The following NDUFAF7 variants were observed in gnomAD, a reference collection of about 807,000 sequenced individuals.
NDUFAF7 encodes protein arginine methyltransferase NDUFAF7, mitochondrial.
A neutral mutation model predicts 47.2 loss-of-function variants in NDUFAF7; 48 were observed. The observed-to-expected ratio is 1.02, with a 90% CI of 0.81 to 1.29. The LOEUF (loss-of-function observed/expected upper bound fraction) is 1.29, where lower values mean the gene tolerates loss of function less well. Among genes scored for constraint, NDUFAF7 ranks in the 50% most tolerant of loss-of-function variants. The pLI is 0.00. For missense variants in NDUFAF7, 635 were observed against 537.6 expected (o/e 1.18, Z -1.79); for synonymous variants, 217 against 190.0 (o/e 1.14, Z -1.17).
the NDUFAF7 span, among the ~76,000 whole-genome samples, chr2:37,262,016 C>T: frequency 2.0e-5 from 3 of 152,160 alleles, no homozygotes; most frequent in East Asian, 5.8e-4. Flanking sequence ...ATGTAAGCGA[C>T]TGTGCTTAAG....
the NDUFAF7 span, among the ~76,000 whole-genome samples, chr2:37,266,340 G>A: frequency 6.6e-6 from 1 of 152,152 alleles, no homozygotes; most frequent in Non-Finnish European, 1.5e-5. Context: ...TTTTGTTGTT[G>A]TTGAGACGGA....
Position 37,237,842 on chromosome 2 carries a change from G to A in NDUFAF7, c.383G>A (p.Gly128Glu). The A allele has an allele frequency of 6.2e-7, 1 of 1,611,870 alleles. No homozygotes were observed. Among genetic ancestry groups the A allele is most frequent in the African/African-American group, 1.3e-5 (1 of 74,988 alleles). The stretch of plus-strand genomic sequence containing the variant: ...CTGGTGGAACTGGGCCCAGGTAGGG[G>A]AACCCTCGTGGGAGATATTTTGAGG... Reference protein sequence around the residue: ...FQLVELGPGRGTLVGDILRVF... With the variant: ...FQLVELGPGRETLVGDILRVF... The change falls in exon 4 of 10, where the codon GGA becomes GAA. Residue 128 changes from glycine to glutamate, a missense_variant. Physicochemically the swap from Gly to Glu is moderately conservative, Grantham distance 98. Transcript: ENST00000002125.
the NDUFAF7 span, chr2:37,269,266 T>C: frequency 8.9e-6 from 2 of 224,234 alleles, no homozygotes; most frequent in Non-Finnish European, 1.8e-5. Flanking sequence ...CCATTTGTGT[T>C]GGAAAACTAG....
At position 37,246,197 on chromosome 2, in the gene NDUFAF7, T is replaced by A; in HGVS notation, c.936+2T>A. 8 of 1,613,652 alleles carry A rather than the reference T, an allele frequency of 5.0e-6. No individual in the cohort carries two copies. Among genetic ancestry groups the A allele is most frequent in the Non-Finnish European group, 6.8e-6 (8 of 1,179,690 alleles). On this transcript the variant is annotated splice_donor_variant, in intron 8 of 9. Transcript: ENST00000002125. LOFTEE classifies it high-confidence loss of function. ...GGAACAAAGACAGATACCTTCAGAG[T>A]ATGTATAATTCAGTAACATGATTTA...
chr2:37,234,740 A>G (rs1370852373), intron 2 of NDUFAF7, among the ~76,000 whole-genome samples: 1 of 152,168 alleles, frequency 6.6e-6, no homozygotes, highest in Non-Finnish European at 1.5e-5. Flanking sequence ...GGGGAGTTGT[A>G]TGAGGAATGG....
At chr2:37,247,975 T>G (rs536504296) in intron 9 of NDUFAF7, among the ~76,000 whole-genome samples, 160 bp from the exon 10 acceptor site, 95 of 152,338 alleles carry the variant, frequency 6.2e-4, no homozygotes, top group Non-Finnish European at 5.9e-5. Flanking sequence ...TTCACACCAA[T>G]CTACATTTTT....
At chr2:37,267,688 T>A in the NDUFAF7 span, 1 of 607,320 alleles carries the variant, frequency 1.6e-6, no homozygotes, top group Non-Finnish European at 2.8e-6. Context: ...CACCTTTAAT[T>A]TAGGAAAAAA....
At chr2:37,246,339 C>G in intron 8 of NDUFAF7, 144 bp downstream of exon 8, 1 of 1,006,618 alleles carries the variant, frequency 9.9e-7, no homozygotes, top group Non-Finnish European at 1.5e-6. Context: ...TGTAATTCCC[C>G]TTAACCCTAG....
chr2:37,240,745 C>T (rs1230412946), intron 4 of NDUFAF7, among the ~76,000 whole-genome samples: 1 of 152,068 alleles, frequency 6.6e-6, no homozygotes. Context: ...CATAAGAAGT[C>T]CTAAAAGCCA....
In NDUFAF7 at chr2:37,248,767, A is replaced by G; in HGVS notation, c.*417A>G. The G allele has an allele frequency of 4.0e-6, 1 of 252,212 alleles. No individual in the cohort carries two copies. Among genetic ancestry groups the G allele is most frequent in the East Asian group, 9.8e-5 (1 of 10,154 alleles). 15.6% of individuals were successfully genotyped at this position (252,212 alleles called of 1,614,324 possible). The stretch of plus-strand genomic sequence containing the variant: ...CCATCTCTACTAAAAATACAAAACT[A>G]GCCGGGTATGGTGGTACATGCCTGT... On this transcript the variant is annotated 3_prime_UTR_variant, in exon 10 of 10. Transcript: ENST00000002125.
rs372839137 is a variant in NDUFAF7 at position 37,232,193 on chromosome 2, T to C, written c.143T>C (p.Met48Thr). Residue 48 changes from methionine (M) to threonine (T), a missense_variant, in exon 2 of 10, where the codon ATG becomes ACG. Coordinates refer to ENST00000002125, the MANE Select transcript of NDUFAF7 (RefSeq NM_144736.5). ...NPVTPMLRHL[M>T]YKIKSTGPIT... ...GTGACGCCGATGCTGCGGCATCTTA[T>C]GTACAAAATAAAGTCTACTGGTCCC... is the stretch of plus-strand genomic sequence containing the variant. 1.5e-5 allele frequency: 24 copies of C among 1,614,044 alleles called. No homozygotes were observed. The highest frequency in any genetic ancestry group is 4.0e-5 in the African/African-American group (3 of 74,946).
downstream of NDUFAF7, among the ~76,000 whole-genome samples, chr2:37,257,630 C>T (rs1176807042): frequency 7.8e-6 from 1 of 128,148 alleles, no homozygotes; most frequent in Non-Finnish European, 1.6e-5. Flanking sequence ...TACGCCGCTG[C>T]AATCCAGCCT....
At position 37,242,376 on chromosome 2, in the gene NDUFAF7, A is replaced by C. The variant is rs1333751483; in HGVS notation, c.623-259A>C. On this transcript the variant is annotated intron_variant, in intron 5 of 9. Coordinates refer to ENST00000002125, the MANE Select transcript of NDUFAF7 (RefSeq NM_144736.5). ...CTTCCAGCTAACAACTCTGACTTCT[A>C]ATTTCTTTCAAGCCTTGTGATGAAT... 5 of 310,308 alleles carry C rather than the reference A, an allele frequency of 1.6e-5. No homozygotes were observed. The Admixed American group carries it at 2.4e-4, about 15-fold the overall frequency. 19.2% of individuals were successfully genotyped at this position (310,308 alleles called of 1,614,324 possible).
downstream of NDUFAF7, among the ~76,000 whole-genome samples, chr2:37,249,622 T>G (rs2148453839): frequency 9.2e-6 from 1 of 108,896 alleles, no homozygotes; most frequent in African/African-American, 4.1e-5. Context: ...ATCGCTCCGT[T>G]GCACTGTAGC....
chr2:37,233,048 G>A (rs922823712), intron 2 of NDUFAF7, among the ~76,000 whole-genome samples: 2 of 152,232 alleles, frequency 1.3e-5, no homozygotes, highest in African/African-American at 4.8e-5. Context: ...TGCAAGATAG[G>A]TGGCTTAGAC....
In NDUFAF7 at chr2:37,241,470, C is replaced by G. The variant is rs561637540; in HGVS notation, c.409-108C>G. Reference sequence around the variant, plus strand: ...TGGCTTGGGTAAGGAACACATCTCTCTGAAATATTACCTCTATTGTGACAT... The same window carrying G: ...TGGCTTGGGTAAGGAACACATCTCTGTGAAATATTACCTCTATTGTGACAT... On this transcript the variant is annotated intron_variant, in intron 4 of 9. Coordinates refer to ENST00000002125, the MANE Select transcript of NDUFAF7 (RefSeq NM_144736.5). 10 of 955,176 alleles carry G rather than the reference C, an allele frequency of 1.0e-5. 1 individual carries two copies. In the South Asian group the frequency reaches 1.4e-4, roughly 14 times the overall value. The allele number at this position is 955,176 out of a possible 1,614,324, so 59.2% of individuals were successfully genotyped here.
chr2:37,244,093 G>A (rs371567631), intron 7 of NDUFAF7, 120 bp downstream of exon 7: 4 of 846,740 alleles, frequency 4.7e-6, no homozygotes, highest in Non-Finnish European at 7.5e-6. Context: ...AGTAGCATAC[G>A]AGGTGCTTTT....
the NDUFAF7 span, among the ~76,000 whole-genome samples, chr2:37,259,184 A>G: frequency 6.6e-6 from 1 of 152,212 alleles, no homozygotes; most frequent in Admixed American, 6.5e-5. Context: ...TTTGAATACA[A>G]TACTCTACAT....
downstream of NDUFAF7, chr2:37,257,036 T>G: frequency 2.3e-5 from 28 of 1,211,094 alleles, no homozygotes; most frequent in South Asian, 2.8e-5. Context: ...TTGCCAGCTC[T>G]ACTGATTATG....
Sources: allele counts gnomAD v4.1 joint callset (sites outside exome capture counted in the v4.1 genomes callset), GRCh38; gene constraint gnomAD v4.1.1; transcripts MANE v1.5; gene names NCBI Gene and HGNC (gene_info 2026-07-23, HGNC 2026-07-21).